IREB2: variants seen among roughly 807,000 people sequenced by gnomAD.
The protein encoded by IREB2 is iron responsive element binding protein 2.
A neutral mutation model predicts 118.8 loss-of-function variants in IREB2; 39 were observed. The ratio of observed to expected loss-of-function variants is 0.33; its 90% confidence interval spans 0.25 to 0.43. IREB2 has a LOEUF of 0.43. IREB2 is among the 20% of genes least tolerant of loss of function. The probability of loss-of-function intolerance (pLI) is 1.00; values close to 1 mark genes in which losing one functional copy is unlikely to be tolerated. For missense variants in IREB2, 900 were observed against 1,147.3 expected (o/e 0.78, Z 3.11); for synonymous variants, 372 against 392.2 (o/e 0.95, Z 0.61).
chr15:78,454,776 C>T (rs539935840), intron 2 of IREB2, among the ~76,000 whole-genome samples: 1 of 152,356 alleles, frequency 6.6e-6, no homozygotes, highest in African/African-American at 2.4e-5. Context: ...TCACTGCAGC[C>T]TTGACCTCCT....
intron 10 of IREB2, chr15:78,480,082 G>A (rs2051540563): frequency 6.6e-6 from 1 of 152,150 alleles, no homozygotes; most frequent in Non-Finnish European, 1.5e-5. Flanking sequence ...ACTCCATGAG[G>A]ACAGGAACTT....
chr15:78,442,715 G>T (rs1194457853), intron 2 of IREB2, among the ~76,000 whole-genome samples: 1 of 152,158 alleles, frequency 6.6e-6, no homozygotes, highest in Admixed American at 6.5e-5. Context: ...GCAGACTGGG[G>T]CTGTGCAGCA....
At chr15:78,457,315 G>A (rs527981950) in intron 2 of IREB2, among the ~76,000 whole-genome samples, 52 of 152,070 alleles carry the variant, frequency 3.4e-4, no homozygotes, top group African/African-American at 1.1e-3. Context: ...TTGCACAGCC[G>A]TTGTTGTAGA....
Position 78,478,317 on chromosome 15 carries a change from G to A in IREB2, c.1216G>A (p.Glu406Lys), listed in dbSNP as rs142630681. The change falls in exon 10 of 22, where the codon GAA (glutamate) becomes AAA (lysine). Residue 406 changes from glutamate (E) to lysine (K), a missense_variant. Coordinates refer to ENST00000258886, the MANE Select transcript of IREB2 (RefSeq NM_004136.4). ...TTTAGGTTTTAGCAAAGCCAAACTC[G>A]AATCAATGGAAACATACCTTAAAGC... ...EHTGFSKAKL[E>K]SMETYLKAVK... The A allele has an allele frequency of 2.6e-5, 42 of 1,612,450 alleles. No homozygotes were observed. The highest frequency in any genetic ancestry group is 1.6e-4 in the Middle Eastern group (1 of 6,082).
At chr15:78,498,008 A>G (rs189812761) in intron 21 of IREB2, 25 bp from the exon 22 acceptor site, 9 of 1,355,018 alleles carry the variant, frequency 6.6e-6, no homozygotes, top group Admixed American at 1.7e-5. Context: ...ACTTGCTCAC[A>G]TGAGATGTTT....
chr15:78,493,139 A>G (rs2051779239), intron 18 of IREB2, among the ~76,000 whole-genome samples: 1 of 152,138 alleles, frequency 6.6e-6, no homozygotes, highest in African/African-American at 2.4e-5. Flanking sequence ...ATGTTAAATG[A>G]TTCATGGAGA....
At position 78,462,779 on chromosome 15, in the gene IREB2, C is replaced by T. The variant is rs542676747; in HGVS notation, c.107-143C>T. ...ATGTTAACACGAATGGTGTTACACT[C>T]TAGTTTGTCAGACTAAAAATGAATT... On this transcript the variant is annotated intron_variant, in intron 2 of 21. Transcript: ENST00000258886. 8.8e-5 allele frequency: 51 copies of T among 581,094 alleles called. 1 individual carries two copies. The South Asian group carries it at 1.3e-3, about 15-fold the overall frequency. 36.0% of individuals were successfully genotyped at this position (581,094 alleles called of 1,614,324 possible). A position where few individuals can be genotyped will look rare whatever the true frequency, so the allele number is the denominator to read the frequency against.
intron 2 of IREB2, among the ~76,000 whole-genome samples, chr15:78,457,353 ACT>A (rs1409212440): frequency 6.6e-6 from 1 of 150,392 alleles, no homozygotes; most frequent in Non-Finnish European, 1.5e-5. Context: ...TGTTTTGGAG[ACT>A]CTCCAAGATT....
chr15:78,464,194 A>G (rs2051243494), intron 3 of IREB2, among the ~76,000 whole-genome samples: 1 of 152,204 alleles, frequency 6.6e-6, no homozygotes, highest in South Asian at 2.1e-4. Context: ...CAGTAGATGG[A>G]GTGACTTGGT....
intron 3 of IREB2, among the ~76,000 whole-genome samples, chr15:78,464,415 G>A (rs924222825): frequency 6.6e-6 from 1 of 152,182 alleles, no homozygotes; most frequent in African/African-American, 2.4e-5. Context: ...TCTGGTTTGT[G>A]TGCCACAGCT....
In IREB2 at chr15:78,470,543, T is replaced by C. The variant is rs1303632345; in HGVS notation, c.641T>C (p.Val214Ala). 1.3e-6 allele frequency: 2 copies of C among 1,594,490 alleles called. No homozygotes were observed. Among genetic ancestry groups the C allele is most frequent in the African/African-American group, 1.3e-5 (1 of 74,740 alleles). ...CTTCTTCCTTTTAGACCTGAAACAG[T>C]GTTAAAAAATCAAGAAGTAGAATTC... Reference protein sequence around the residue: ...HLQPVPEPETVLKNQEVEFGR... With the variant: ...HLQPVPEPETALKNQEVEFGR... Residue 214 changes from valine (V) to alanine (A), a missense_variant, in exon 6 of 22, where the codon GTG (valine) becomes GCG (alanine). Val to Ala is a moderately conservative substitution (Grantham distance 64, BLOSUM62 0). Transcript: ENST00000258886.
In IREB2 at chr15:78,498,023, T is replaced by A; in HGVS notation, c.2782-10T>A. ...ACTTGCTCACATGAGATGTTTTTGC[T>A]CCTTTCAAGACAAGCACTGGAAAAG... On this transcript the variant is annotated splice_polypyrimidine_tract_variant and intron_variant, in intron 21 of 21. Coordinates refer to ENST00000258886, the MANE Select transcript of IREB2 (RefSeq NM_004136.4). The A allele has an allele frequency of 6.4e-7, 1 of 1,562,370 alleles. No individual in the cohort carries two copies. The highest frequency in any genetic ancestry group is 8.8e-7 in the Non-Finnish European group (1 of 1,133,312).
At position 78,460,625 on chromosome 15, in the gene IREB2, T is replaced by G. The variant is rs546820946; in HGVS notation, c.107-2297T>G. On this transcript the variant is annotated intron_variant, in intron 2 of 21. Transcript: ENST00000258886. ...CAGTCATTTCTCTGAAAAACTGTTC[T>G]GTTGTGTGTGTTTAGGAAATAGTTT... Among the ~76,000 whole-genome samples, 22 of 152,334 alleles carry G rather than the reference T, an allele frequency of 1.4e-4. No individual in the cohort carries two copies. In the South Asian group the frequency reaches 3.9e-3, roughly 27 times the overall value.
rs2051896653 is a variant in IREB2, at chr15:78,499,233, AAC to A, written c.*1093_*1094del. The A allele has an allele frequency of 6.6e-6, 1 of 152,224 alleles. No individual in the cohort carries two copies. The highest frequency in any genetic ancestry group is 1.5e-5 in the Non-Finnish European group (1 of 68,040). 9.4% of individuals were successfully genotyped at this position (152,224 alleles called of 1,614,324 possible). A position where few individuals can be genotyped will look rare whatever the true frequency, so the allele number is the denominator to read the frequency against. On this transcript the variant is annotated 3_prime_UTR_variant, in exon 22 of 22. Transcript: ENST00000258886. ...TAACCAAAGCTGACCGTAAGGATAA[AAC>A]ACTTAAGTTGTTGCTGAGTACTATA... is the stretch of plus-strand genomic sequence containing the variant.
Position 78,438,310 on chromosome 15 carries a change from C to T in IREB2, c.-28C>T, listed in dbSNP as rs1468357368. Reference sequence around the variant, plus strand: ...CCCCTTCTTCCCCCGCTGGCCCCCTCCCCGGAGGGATAATATGGTCTCCGG... The same window carrying T: ...CCCCTTCTTCCCCCGCTGGCCCCCTTCCCGGAGGGATAATATGGTCTCCGG... On this transcript the variant is annotated 5_prime_UTR_variant, in exon 1 of 22. Coordinates refer to ENST00000258886, the MANE Select transcript of IREB2 (RefSeq NM_004136.4). The T allele has an allele frequency of 3.2e-6, 5 of 1,578,746 alleles. No individual in the cohort carries two copies. Among genetic ancestry groups the T allele is most frequent in the East Asian group, 2.3e-5 (1 of 43,488 alleles).
At chr15:78,444,722 T>A (rs1439169973) in intron 2 of IREB2, among the ~76,000 whole-genome samples, 1 of 152,198 alleles carries the variant, frequency 6.6e-6, no homozygotes, top group African/African-American at 2.4e-5. Context: ...TATGCTACTT[T>A]TAATAAAAAT....
At position 78,485,802 on chromosome 15, in the gene IREB2, C is replaced by T; in HGVS notation, c.1671C>T (p.Leu557=). ...SPGSGMVTHY[L]SSSGVLPYLS... The stretch of plus-strand genomic sequence containing the variant: ...GCAGTGGGATGGTTACACATTACCT[C>T]AGTTCAAGTGGAGTATTACCATATC... The change falls in exon 13 of 22, where the codon CTC becomes CTT. Residue 557 remains leucine (L), a synonymous_variant. Transcript: ENST00000258886. 2 of 1,613,686 alleles carry T rather than the reference C, an allele frequency of 1.2e-6. No individual in the cohort carries two copies. The highest frequency in any genetic ancestry group is 1.7e-6 in the Non-Finnish European group (2 of 1,179,642).
intron 1 of IREB2, among the ~76,000 whole-genome samples, 191 bp from the exon 2 acceptor site, chr15:78,439,604 T>A (rs1162283369): frequency 6.6e-6 from 1 of 152,224 alleles, no homozygotes; most frequent in Non-Finnish European, 1.5e-5. Flanking sequence ...ATTCAGTTCC[T>A]CAGGCACGAT....
intron 16 of IREB2, 49 bp from the exon 17 acceptor site, chr15:78,490,373 G>C (rs1213344697): frequency 6.5e-6 from 8 of 1,222,960 alleles, no homozygotes; most frequent in Non-Finnish European, 8.1e-6. Context: ...CTCTTTTTCT[G>C]AGTCCTTTTA....
Sources: allele counts gnomAD v4.1 joint callset (sites outside exome capture counted in the v4.1 genomes callset), GRCh38; gene constraint gnomAD v4.1.1; transcripts MANE v1.5; gene names NCBI Gene and HGNC (gene_info 2026-07-23, HGNC 2026-07-21).